The following ARIH1 variants were observed in gnomAD, a reference collection of about 807,000 sequenced individuals.
ARIH1 encodes E3 ubiquitin-protein ligase ARIH1.
Under a neutral mutation model 85.0 loss-of-function variants are expected in ARIH1, and 8 were observed. The ratio of observed to expected loss-of-function variants is 0.09; its 90% confidence interval spans 0.06 to 0.17. The LOEUF is 0.17. Ranked by LOEUF, ARIH1 falls within the 10% of genes least tolerant of loss-of-function variation. The pLI is 1.00. For synonymous variants in ARIH1, 238 were observed against 253.6 expected (o/e 0.94, Z 0.59); for missense variants, 311 against 718.1 (o/e 0.43, Z 6.48).
chr15:72,479,322 C>T (rs1323350522), intron 1 of ARIH1, among the ~76,000 whole-genome samples: 1 of 152,010 alleles, frequency 6.6e-6, no homozygotes, highest in African/African-American at 2.4e-5. Flanking sequence ...GAATATGGAC[C>T]TGGGACTATT....
intron 2 of ARIH1, among the ~76,000 whole-genome samples, chr15:72,532,118 A>G (rs2064059822): frequency 6.6e-6 from 1 of 152,116 alleles, no homozygotes; most frequent in African/African-American, 2.4e-5. Context: ...AGAACAGAAT[A>G]TAATAAAATA....
intron 6 of ARIH1, 63 bp from the exon 7 acceptor site, chr15:72,563,331 T>G: frequency 4.9e-6 from 7 of 1,422,368 alleles, no homozygotes; most frequent in Non-Finnish European, 6.9e-6. Flanking sequence ...AGTTCTGGGA[T>G]TATAGGTGTG....
chr15:72,567,282 C>T, intron 9 of ARIH1, 105 bp downstream of exon 9: 2 of 778,568 alleles, frequency 2.6e-6, no homozygotes, highest in African/African-American at 1.8e-5. Context: ...TTTGTTTCAT[C>T]TTTTTCTCCA....
intron 5 of ARIH1, among the ~76,000 whole-genome samples, chr15:72,558,357 A>AG (rs929637535): frequency 3.3e-5 from 5 of 152,192 alleles, no homozygotes; most frequent in African/African-American, 1.2e-4. Flanking sequence ...CTGGAGTACA[A>AG]GTGGCACCAT....
At chr15:72,508,412 C>A (rs1433720982) in intron 1 of ARIH1, among the ~76,000 whole-genome samples, 3 of 152,202 alleles carry the variant, frequency 2.0e-5, no homozygotes, top group Non-Finnish European at 4.4e-5. Flanking sequence ...GAATTTCTCT[C>A]CTTTGACAAG....
At chr15:72,547,130 T>C (rs2064133121) in intron 3 of ARIH1, among the ~76,000 whole-genome samples, 2 of 151,598 alleles carry the variant, frequency 1.3e-5, no homozygotes, top group Admixed American at 1.3e-4. Context: ...GGTTTCACCA[T>C]GTTAGCCAGG....
intron 1 of ARIH1, among the ~76,000 whole-genome samples, chr15:72,475,667 C>G (rs1293325459): frequency 6.6e-6 from 1 of 152,144 alleles, no homozygotes; most frequent in Non-Finnish European, 1.5e-5. Context: ...TTTTTCTAGT[C>G]GTAGCAGATG....
chr15:72,601,714 T>G lies in ARIH1; in HGVS notation c.*18422T>G, dbSNP rs1436452787. The stretch of plus-strand genomic sequence containing the variant: ...GCATTTATCACAATTCTTGGTATGT[T>G]GTGCTTTTCACTTTCTTAGTCGCTA... On this transcript the variant is annotated 3_prime_UTR_variant, in exon 14 of 14. Coordinates refer to ENST00000379887, the MANE Select transcript of ARIH1 (RefSeq NM_005744.5). 1 of 152,238 alleles carries G rather than the reference T, an allele frequency of 6.6e-6. No individual in the cohort carries two copies. The highest frequency in any genetic ancestry group is 2.4e-5 in the African/African-American group (1 of 41,462). 9.4% of individuals were successfully genotyped at this position (152,238 alleles called of 1,614,324 possible).
At position 72,475,191 on chromosome 15, in the gene ARIH1, C is replaced by G. The variant is rs528800456; in HGVS notation, c.375+177C>G. 1,492 of 1,317,676 alleles carry G rather than the reference C, an allele frequency of 1.1e-3. 6 individuals carry two copies. The highest frequency in any genetic ancestry group is 1.6e-3 in the African/African-American group (105 of 64,830). 81.6% of individuals were successfully genotyped at this position (1,317,676 alleles called of 1,614,324 possible). ...GAGGGTGTCGAAAGCAGAGGTTCGC[C>G]GATTAGCCGGGTGTGGGGAGGTGCG... On this transcript the variant is annotated intron_variant, in intron 1 of 13. Coordinates refer to ENST00000379887, the MANE Select transcript of ARIH1 (RefSeq NM_005744.5).
At chr15:72,563,322 G>A (rs1007745821) in intron 6 of ARIH1, 72 bp from the exon 7 acceptor site, 97 of 1,382,216 alleles carry the variant, frequency 7.0e-5, no homozygotes, top group Admixed American at 8.5e-5. Flanking sequence ...GCCTCCCTAA[G>A]TTCTGGGATT....
chr15:72,496,643 C>A (rs754337768), intron 1 of ARIH1: 2 of 180,784 alleles, frequency 1.1e-5, no homozygotes, highest in Admixed American at 1.3e-4. Context: ...ATACCAAGTT[C>A]AGGTATTTTA....
intron 5 of ARIH1, among the ~76,000 whole-genome samples, chr15:72,560,405 T>G (rs1461930158): frequency 6.6e-6 from 1 of 152,200 alleles, no homozygotes; most frequent in African/African-American, 2.4e-5. Context: ...ATTTATTGAG[T>G]GCTTACTATC....
chr15:72,534,054 T>C lies in ARIH1; in HGVS notation c.444-10766T>C, dbSNP rs571138355. Among the ~76,000 whole-genome samples, 3 of 152,118 alleles carry C rather than the reference T, an allele frequency of 2.0e-5. No individual in the cohort carries two copies. In the South Asian group the frequency reaches 6.2e-4, roughly 32 times the overall value. Reference sequence around the variant, plus strand: ...TAACTATTCAGCAGTGCAAAATAAATGAGCAAAAGCTACAAGCCACAGCAT... The same window carrying C: ...TAACTATTCAGCAGTGCAAAATAAACGAGCAAAAGCTACAAGCCACAGCAT... On this transcript the variant is annotated intron_variant, in intron 2 of 13. Transcript: ENST00000379887.
chr15:72,570,056 TG>T (rs2064236495), intron 9 of ARIH1, 120 bp from the exon 10 acceptor site: 2 of 1,095,658 alleles, frequency 1.8e-6, no homozygotes, highest in Non-Finnish European at 2.6e-6. Context: ...GTGCTTTATA[TG>T]TATTAACCAC....
chr15:72,559,785 T>C (rs2064190151), intron 5 of ARIH1, among the ~76,000 whole-genome samples: 1 of 152,218 alleles, frequency 6.6e-6, no homozygotes. Flanking sequence ...AAGGGAATCA[T>C]GTAATATGTT....
Position 72,588,322 on chromosome 15 carries a change from A to T in ARIH1, c.*5030A>T, listed in dbSNP as rs1686459063. 1.3e-5 allele frequency: 2 copies of T among 152,136 alleles called. No homozygotes were observed. The highest frequency in any genetic ancestry group is 4.8e-5 in the African/African-American group (2 of 41,432). 9.4% of individuals were successfully genotyped at this position (152,136 alleles called of 1,614,324 possible). On this transcript the variant is annotated 3_prime_UTR_variant, in exon 14 of 14. Coordinates refer to ENST00000379887, the MANE Select transcript of ARIH1 (RefSeq NM_005744.5). ...TTGGCTTGCAACAATGCCACTGTCC[A>T]TCTGGCATTACCTAGACCAGTGATA...
At chr15:72,574,290 G>A (rs2140437363) in intron 11 of ARIH1, among the ~76,000 whole-genome samples, 1 of 152,282 alleles carries the variant, frequency 6.6e-6, no homozygotes. Context: ...TTCTATAACT[G>A]TGGGAGTACA....
intron 11 of ARIH1, among the ~76,000 whole-genome samples, chr15:72,580,248 T>C (rs2064290120): frequency 6.6e-6 from 1 of 152,230 alleles, no homozygotes; most frequent in Non-Finnish European, 1.5e-5. Flanking sequence ...TCATCCATGT[T>C]GTCACAACAG....
rs11335721 is a variant in ARIH1 at position 72,498,243 on chromosome 15, GTT to G, written c.376-19815_376-19814del. On this transcript the variant is annotated intron_variant, in intron 1 of 13. Coordinates refer to ENST00000379887, the MANE Select transcript of ARIH1 (RefSeq NM_005744.5). The stretch of plus-strand genomic sequence containing the variant: ...ATAGACTTTAATCTGCAACCAAAAT[GTT>G]TTTTTTTTAAATAAAAATGAGGCAC... Among the ~76,000 whole-genome samples, 163 of 151,220 alleles carry G rather than the reference GTT, an allele frequency of 1.1e-3. 1 individual carries two copies. In the South Asian group the frequency reaches 0.027, roughly 25 times the overall value.
Sources: gnomAD v4.1 joint callset for allele counts (sites outside exome capture counted in the v4.1 genomes callset) on GRCh38, gnomAD v4.1.1 for gene constraint, MANE v1.5 for transcripts, NCBI Gene and HGNC (gene_info 2026-07-23, HGNC 2026-07-21) for gene names.